The following OSMR variants were observed in gnomAD, a reference collection of about 807,000 sequenced individuals.
The protein encoded by OSMR is oncostatin M receptor, also known as oncostatin-M-specific receptor subunit beta.
OSMR carries 81 observed loss-of-function variants against 99.9 expected under a neutral mutation model. The observed-to-expected ratio is 0.81, with a 90% CI of 0.68 to 0.97. OSMR has a LOEUF of 0.97. Among genes scored for constraint, OSMR ranks in the 50% least tolerant of loss-of-function variants. The pLI, the probability that OSMR is intolerant of heterozygous loss-of-function variation, is 0.00. For synonymous variants in OSMR, 406 were observed against 410.4 expected (o/e 0.99, Z 0.13); for missense variants, 1,099 against 1,153.4 (o/e 0.95, Z 0.68).
chr5:38,900,238 C>T (rs888356380), intron 7 of OSMR, among the ~76,000 whole-genome samples: 2 of 152,178 alleles, frequency 1.3e-5, no homozygotes, highest in Non-Finnish European at 2.9e-5. Flanking sequence ...TCACCGTGCT[C>T]TCCCTCTCCT....
chr5:38,881,194 C>CGG (rs745407340), intron 3 of OSMR, among the ~76,000 whole-genome samples: 1 of 148,290 alleles, frequency 6.7e-6, no homozygotes, highest in Admixed American at 6.7e-5. Flanking sequence ...AACAAACAAT[C>CGG]TTTTTTTTTT....
At chr5:38,864,180 A>G (rs1247516531) in intron 1 of OSMR, among the ~76,000 whole-genome samples, 1 of 152,160 alleles carries the variant, frequency 6.6e-6, no homozygotes, top group East Asian at 1.9e-4. Context: ...GTGAAGATTT[A>G]TTCCTGTCAT....
In OSMR at chr5:38,942,802, G is replaced by C. The variant is rs748429218; in HGVS notation, c.75-1399G>C. 10 of 1,500,670 alleles carry C rather than the reference G, an allele frequency of 6.7e-6. No individual in the cohort carries two copies. In the South Asian group the frequency reaches 1.1e-4, roughly 17 times the overall value. 93.0% of individuals were successfully genotyped at this position (1,500,670 alleles called of 1,614,324 possible). On this transcript the variant is annotated intron_variant and NMD_transcript_variant, in intron 1 of 2. Transcript: ENST00000508882. ...TTCAAACACAGAATTATTCTTGGAA[G>C]ATAAATTTGAGAAGTACTAATCATA...
At chr5:38,861,266 G>C (rs1034619167) in intron 1 of OSMR, among the ~76,000 whole-genome samples, 4 of 151,898 alleles carry the variant, frequency 2.6e-5, no homozygotes, top group African/African-American at 7.3e-5. Flanking sequence ...AGGACCCTGC[G>C]GGCCTTCCGC....
intron 1 of OSMR, among the ~76,000 whole-genome samples, chr5:38,865,603 C>T (rs968567883): frequency 6.6e-6 from 1 of 152,244 alleles, no homozygotes; most frequent in Admixed American, 6.5e-5. Flanking sequence ...GGACACCAGA[C>T]AGGCTGGTTG....
chr5:38,902,349 A>G (rs189926036), intron 7 of OSMR, among the ~76,000 whole-genome samples: 68 of 152,326 alleles, frequency 4.5e-4, no homozygotes, highest in Non-Finnish European at 8.7e-4. Context: ...GCCAATGCCT[A>G]TGATGCACTG....
At chr5:38,914,040 A>G (rs1745761287) in intron 9 of OSMR, among the ~76,000 whole-genome samples, 1 of 152,252 alleles carries the variant, frequency 6.6e-6, no homozygotes, top group Admixed American at 6.5e-5. Flanking sequence ...GCCTGACATA[A>G]TAAAACTCTG....
intron 9 of OSMR, among the ~76,000 whole-genome samples, chr5:38,906,757 G>T (rs776574959): frequency 2.3e-4 from 35 of 152,136 alleles, no homozygotes; most frequent in Admixed American, 4.6e-4. Context: ...AGGCAAAAAA[G>T]ATTATATTTT....
At chr5:38,873,099 C>A (rs901034638) in intron 2 of OSMR, among the ~76,000 whole-genome samples, 3 of 152,192 alleles carry the variant, frequency 2.0e-5, no homozygotes, top group African/African-American at 7.2e-5. Flanking sequence ...AGTCTTGATT[C>A]CCCTCTCTCT....
At chr5:38,886,759 A>G (rs2112414874) in intron 7 of OSMR, 1 of 152,656 alleles carries the variant, frequency 6.6e-6, no homozygotes, top group Middle Eastern at 3.4e-3. Flanking sequence ...ATGGATTTGC[A>G]GGTTGTATCA....
At chr5:38,869,785 G>T (rs1458909684) in intron 2 of OSMR, among the ~76,000 whole-genome samples, 2 of 152,150 alleles carry the variant, frequency 1.3e-5, no homozygotes, top group African/African-American at 4.8e-5. Flanking sequence ...TTGTTTAGAA[G>T]TAGATCTTAG....
chr5:38,903,609 A>G (rs1745032262), intron 7 of OSMR: 1 of 189,532 alleles, frequency 5.3e-6, no homozygotes, highest in Non-Finnish European at 9.7e-6. Context: ...CCAAGTTTTG[A>G]CTCCCCTTCC....
chr5:38,922,552 C>T (rs970983808), intron 12 of OSMR, among the ~76,000 whole-genome samples: 1 of 152,118 alleles, frequency 6.6e-6, no homozygotes, highest in Admixed American at 6.5e-5. Flanking sequence ...TGATTCTGCA[C>T]CCAGTTGTAT....
At chr5:38,944,548 T>A in intron 2 of OSMR, 1 of 1,602,840 alleles carries the variant, frequency 6.2e-7, no homozygotes, top group Non-Finnish European at 8.5e-7. Context: ...CATTGGTGTA[T>A]CATCTGGAAT....
chr5:38,847,515 C>A (rs1050659823), intron 1 of OSMR, among the ~76,000 whole-genome samples: 1 of 152,116 alleles, frequency 6.6e-6, no homozygotes, highest in African/African-American at 2.4e-5. Context: ...TGGGGTGTTT[C>A]ATTATGGTCT....
chr5:38,860,712 G>A (rs565755878), intron 1 of OSMR, among the ~76,000 whole-genome samples: 17 of 152,204 alleles, frequency 1.1e-4, no homozygotes, highest in South Asian at 6.2e-4. Context: ...CGCTGTTGTC[G>A]CCCAGGCTGG....
rs115799115 is a variant in OSMR at position 38,920,256 on chromosome 5, A to C, written c.1585+1194A>C. ...ATCCTTAAGTGTTTCTTGTTTCTAC[A>C]TCACCAGCATGTATAAAGTCACTCA... On this transcript the variant is annotated intron_variant, in intron 11 of 17. Coordinates refer to ENST00000274276, the MANE Select transcript of OSMR (RefSeq NM_003999.3). Among the ~76,000 whole-genome samples, 45 of 152,308 alleles carry C rather than the reference A, an allele frequency of 3.0e-4. 1 individual carries two copies. Among genetic ancestry groups the C allele is most frequent in the African/African-American group, 1.0e-3 (42 of 41,556 alleles).
downstream of OSMR, chr5:38,938,124 A>G: frequency 9.5e-6 from 2 of 211,560 alleles, no homozygotes; most frequent in African/African-American, 2.3e-5. Context: ...CTTACAGAAA[A>G]AATATAAATA....
At chr5:38,932,425 A>T in intron 16 of OSMR, 38 bp from the exon 17 acceptor site, 1 of 1,461,116 alleles carries the variant, frequency 6.8e-7, no homozygotes, top group Non-Finnish European at 9.6e-7. Context: ...CGTCCACTGT[A>T]CTGTGAAATT....
Sources: allele counts gnomAD v4.1 joint callset (sites outside exome capture counted in the v4.1 genomes callset), GRCh38; gene constraint gnomAD v4.1.1; transcripts MANE v1.5; gene names NCBI Gene and HGNC (gene_info 2026-07-23, HGNC 2026-07-21).